Variants in CFAP100 observed in about 807,000 individuals in gnomAD.
The protein encoded by CFAP100 is cilia and flagella associated protein 100.
Under a neutral mutation model 81.5 loss-of-function variants are expected in CFAP100, and 70 were observed. The observed-to-expected ratio is 0.86, with a 90% confidence interval of 0.71 to 1.05. The LOEUF is 1.05. CFAP100 is among the 50% of genes least tolerant of loss of function. The probability of loss-of-function intolerance (pLI) is 0.00; values close to 1 mark genes in which losing one functional copy is unlikely to be tolerated. For missense variants in CFAP100, 811 were observed against 776.5 expected (o/e 1.04, Z -0.53); for synonymous variants, 341 against 314.8 (o/e 1.08, Z -0.88).
In CFAP100 at chr3:126,434,439, G is replaced by A. The variant is rs1488907622; in HGVS notation, c.1628+58G>A. The A allele has an allele frequency of 4.6e-6, 7 of 1,524,772 alleles. No individual in the cohort carries two copies. In the Admixed American group the frequency reaches 5.4e-5, roughly 12 times the overall value. The allele number at this position is 1,524,772 out of a possible 1,614,324, so 94.5% of individuals were successfully genotyped here. A position where few individuals can be genotyped will look rare whatever the true frequency, so the allele number is the denominator to read the frequency against. The stretch of plus-strand genomic sequence containing the variant: ...GTCCTGGCTGGCCCTGAGGGCAGAG[G>A]GCACATACAGGCCCCACCCTCAAAG... On this transcript the variant is annotated intron_variant, in intron 15 of 16. Transcript: ENST00000352312.
chr3:126,434,523 T>G (rs1933368583), intron 15 of CFAP100, 142 bp downstream of exon 15: 7 of 776,664 alleles, frequency 9.0e-6, no homozygotes, highest in South Asian at 3.7e-5. Flanking sequence ...GCCCATGTCT[T>G]GGGGGGATCT....
rs556958348 is a variant in CFAP100 at position 126,416,168 on chromosome 3, C to T, written c.226-148C>T. 33 of 632,018 alleles carry T rather than the reference C, an allele frequency of 5.2e-5. No individual in the cohort carries two copies. In the African/African-American group the frequency reaches 5.5e-4, roughly 11 times the overall value. The allele number at this position is 632,018 out of a possible 1,614,324, so 39.2% of individuals were successfully genotyped here. A position where few individuals can be genotyped will look rare whatever the true frequency, so the allele number is the denominator to read the frequency against. On this transcript the variant is annotated intron_variant, in intron 4 of 16. Coordinates refer to ENST00000352312, the MANE Select transcript of CFAP100 (RefSeq NM_182628.3). Reference sequence around the variant, plus strand: ...ATGGCCTCCCCAACAGCTGCCCTGCCTGCTTGGCTCTCAGCCCGGGACAGC... The same window carrying T: ...ATGGCCTCCCCAACAGCTGCCCTGCTTGCTTGGCTCTCAGCCCGGGACAGC...
intron 13 of CFAP100, among the ~76,000 whole-genome samples, chr3:126,429,454 G>T (rs979250704): frequency 6.6e-6 from 1 of 152,030 alleles, no homozygotes; most frequent in African/African-American, 2.4e-5. Flanking sequence ...TTGACTTAAA[G>T]TCTATTTTGT....
intron 13 of CFAP100, among the ~76,000 whole-genome samples, chr3:126,428,740 C>T (rs1309025667): frequency 6.6e-6 from 1 of 152,068 alleles, no homozygotes; most frequent in Non-Finnish European, 1.5e-5. Context: ...TCTGTCTTTG[C>T]TATCGAGGTG....
At chr3:126,401,402 TA>T (rs2082978909) in intron 2 of CFAP100, among the ~76,000 whole-genome samples, 2 of 39,582 alleles carry the variant, frequency 5.1e-5, no homozygotes, top group Non-Finnish European at 9.7e-5. Context: ...GTATTTTATA[TA>T]TATATATATA....
intron 8 of CFAP100, 88 bp downstream of exon 8, chr3:126,419,244 G>GAGGT: frequency 3.6e-6 from 3 of 842,804 alleles, no homozygotes; most frequent in South Asian, 1.8e-5. Flanking sequence ...CTAGCACCAT[G>GAGGT]TGAACCTCAT....
chr3:126,419,722 G>A lies in CFAP100; in HGVS notation c.817G>A (p.Glu273Lys). 6.2e-7 allele frequency: 1 copy of A among 1,611,650 alleles called. No homozygotes were observed. The highest frequency in any genetic ancestry group is 1.1e-5 in the South Asian group (1 of 90,912). ...LYKLSPKEWL[E>K]EQEKKHSFLK... is the part of the protein sequence containing the mutation. ...CAAGCTGTCGCCCAAGGAGTGGCTT[G>A]AAGAACAGGAAAAGAAACACTCGTT... Residue 273 changes from glutamate to lysine, a missense_variant, in exon 9 of 17, where the codon GAA (glutamate) becomes AAA (lysine). By Grantham distance (56) the Glu-to-Lys change is moderately conservative. Coordinates refer to ENST00000352312, the MANE Select transcript of CFAP100 (RefSeq NM_182628.3).
chr3:126,401,395 TTTTATATATA>T (rs1177741718), intron 2 of CFAP100, among the ~76,000 whole-genome samples: 1 of 55,036 alleles, frequency 1.8e-5, no homozygotes, highest in African/African-American at 5.1e-5. Context: ...GCAAATCGTA[TTTTATATATA>T]TATATATATA....
At chr3:126,424,271 C>T (rs535423147) in intron 13 of CFAP100, among the ~76,000 whole-genome samples, 16 of 152,276 alleles carry the variant, frequency 1.1e-4, no homozygotes, top group Admixed American at 5.9e-4. Context: ...GGGGCTGAGA[C>T]GGGCAGGGAT....
chr3:126,428,837 T>C (rs1236706852), intron 13 of CFAP100, among the ~76,000 whole-genome samples: 2 of 152,172 alleles, frequency 1.3e-5, no homozygotes, highest in African/African-American at 4.8e-5. Flanking sequence ...CTGGGTGTGG[T>C]GGCTCACGCC....
intron 3 of CFAP100, among the ~76,000 whole-genome samples, chr3:126,408,321 A>T (rs2083101137): frequency 6.6e-6 from 1 of 152,172 alleles, no homozygotes; most frequent in African/African-American, 2.4e-5. Context: ...GACAAAGTGA[A>T]CCAGCCCAAC....
chr3:126,433,031 T>C (rs770500452), intron 13 of CFAP100, 38 bp from the exon 14 acceptor site: 1 of 1,612,036 alleles, frequency 6.2e-7, no homozygotes, highest in East Asian at 2.2e-5. Context: ...AGGGCTGTGC[T>C]GAGTGACTGA....
chr3:126,426,066 A>G (rs1351894521), intron 13 of CFAP100, among the ~76,000 whole-genome samples: 1 of 152,242 alleles, frequency 6.6e-6, no homozygotes, highest in Non-Finnish European at 1.5e-5. Flanking sequence ...AGCTAATGTA[A>G]TAAGACAAGA....
At chr3:126,432,489 T>C (rs1933273992) in intron 13 of CFAP100, among the ~76,000 whole-genome samples, 1 of 152,104 alleles carries the variant, frequency 6.6e-6, no homozygotes, top group Non-Finnish European at 1.5e-5. Flanking sequence ...GGCCTACGTA[T>C]GCAATGGAAG....
intron 11 of CFAP100, 40 bp downstream of exon 11, chr3:126,420,269 C>T (rs375845011): frequency 1.7e-4 from 270 of 1,606,818 alleles, no homozygotes; most frequent in Non-Finnish European, 2.2e-4. Context: ...TGAGGCCTAG[C>T]GGCGAGCCCT....
At chr3:126,400,536 G>A (rs1404084258) in intron 2 of CFAP100, among the ~76,000 whole-genome samples, 1 of 152,078 alleles carries the variant, frequency 6.6e-6, no homozygotes, top group African/African-American at 2.4e-5. Context: ...GGCGGATCAC[G>A]AGGTCAGGAG....
intron 2 of CFAP100, among the ~76,000 whole-genome samples, chr3:126,401,930 T>A (rs1041298748): frequency 6.6e-6 from 1 of 152,212 alleles, no homozygotes; most frequent in African/African-American, 2.4e-5. Flanking sequence ...GACCCCACGC[T>A]GTCACCACAC....
At chr3:126,422,696 G>A (rs1318633699) in intron 11 of CFAP100, among the ~76,000 whole-genome samples, 2 of 152,224 alleles carry the variant, frequency 1.3e-5, no homozygotes, top group African/African-American at 4.8e-5. Context: ...GGGCACTCAG[G>A]ATCACCTGGA....
At chr3:126,422,609 G>C (rs917306212) in intron 11 of CFAP100, among the ~76,000 whole-genome samples, 1 of 152,166 alleles carries the variant, frequency 6.6e-6, no homozygotes, top group East Asian at 1.9e-4. Flanking sequence ...GGCCTTCTGG[G>C]GCCCACACTG....
Sources: gnomAD v4.1 joint callset for allele counts (sites outside exome capture counted in the v4.1 genomes callset) on GRCh38, gnomAD v4.1.1 for gene constraint, MANE v1.5 for transcripts, NCBI Gene and HGNC (gene_info 2026-07-23, HGNC 2026-07-21) for gene names.